The following TEX9 variants were observed in gnomAD, a reference collection of about 807,000 sequenced individuals.
TEX9 encodes the protein testis-expressed protein 9.
TEX9 carries 74 observed loss-of-function variants against 59.6 expected under a neutral mutation model. That is an observed-to-expected ratio of 1.24 (90% CI 1.03 to 1.51). TEX9 has a LOEUF of 1.51. Among genes scored for constraint, TEX9 ranks in the 40% most tolerant of loss-of-function variants. The pLI is 0.00. For synonymous variants in TEX9, 186 were observed against 152.2 expected (o/e 1.22, Z -1.64); for missense variants, 522 against 447.8 (o/e 1.17, Z -1.49).
At chr15:56,315,519 C>T (rs1193837093) in intron 1 of TEX9, among the ~76,000 whole-genome samples, 5 of 150,680 alleles carry the variant, frequency 3.3e-5, no homozygotes, top group South Asian at 4.2e-4. Flanking sequence ...CCGAGAGATC[C>T]GCTGTTAGTC....
chr15:56,281,102 T>C (rs1166710161), intron 1 of TEX9, among the ~76,000 whole-genome samples: 1 of 152,196 alleles, frequency 6.6e-6, no homozygotes, highest in Non-Finnish European at 1.5e-5. Flanking sequence ...TACTTGCATA[T>C]TGTCTTCAGC....
At chr15:56,414,235 T>G (rs1274906408) in intron 10 of TEX9, among the ~76,000 whole-genome samples, 1 of 126,900 alleles carries the variant, frequency 7.9e-6, no homozygotes, top group Non-Finnish European at 1.7e-5. Flanking sequence ...TAGCCAGCCA[T>G]TTTGTTTTAT....
intron 3 of TEX9, among the ~76,000 whole-genome samples, chr15:56,378,061 G>T (rs72742607): frequency 0.07 from 10,630 of 152,118 alleles, 463 homozygotes; most frequent in Non-Finnish European, 0.1. Flanking sequence ...GCATCCCTGG[G>T]GTAAATCCCA....
intron 1 of TEX9, among the ~76,000 whole-genome samples, chr15:56,287,393 T>C (rs2044979086): frequency 6.6e-6 from 1 of 152,140 alleles, no homozygotes; most frequent in African/African-American, 2.4e-5. Context: ...TTAAAAAAAT[T>C]ATTTATTTTA....
Position 56,365,606 on chromosome 15 carries a change from C to T in TEX9, c.55C>T (p.Pro19Ser), listed in dbSNP as rs199999452. The T allele has an allele frequency of 1.7e-5, 28 of 1,614,178 alleles. No individual in the cohort carries two copies. In the South Asian group the frequency reaches 2.6e-4, roughly 15 times the overall value. ...AAGCAGCGTTCCAGGGACTCCGTTC[C>T]CGCCACCCGTTCAGCAACCCTCTAC... Residue 19 changes from proline (P) to serine (S), a missense_variant, in exon 2 of 13, where the codon CCG (proline) becomes TCG (serine). Physicochemically the swap from Pro to Ser is moderately conservative, Grantham distance 74 (BLOSUM62 -1). Transcript: ENST00000352903.
intron 1 of TEX9, among the ~76,000 whole-genome samples, chr15:56,273,134 A>G (rs535196712): frequency 6.6e-6 from 1 of 151,504 alleles, no homozygotes; most frequent in Admixed American, 6.6e-5. Context: ...TTGCATTTTT[A>G]AGTAGGCATG....
intron 10 of TEX9, among the ~76,000 whole-genome samples, chr15:56,423,597 T>G (rs1159144344): frequency 6.6e-6 from 1 of 152,104 alleles, no homozygotes; most frequent in African/African-American, 2.4e-5. Context: ...GTCACAAAGT[T>G]GTGCAACCAT....
chr15:56,460,007 A>ATATATATATATATATATATATATAT, the TEX9 span, among the ~76,000 whole-genome samples: 3 of 27,636 alleles, frequency 1.1e-4, no homozygotes, highest in African/African-American at 4.0e-4. Context: ...AAAAAAAAAA[A>ATATATATATATATATATATATATAT]AAATACATAT....
At position 56,385,100 on chromosome 15, in the gene TEX9, A is replaced by C. The variant is rs142338350; in HGVS notation, c.263+1069A>C. ...CCATTTGTCTCAGCATTATTTGTTG[A>C]GAAGACTGTTCTTTCCCCATTGAAT... On this transcript the variant is annotated intron_variant, in intron 4 of 12. Coordinates refer to ENST00000352903, the Ensembl canonical transcript of TEX9. 2.9e-3 allele frequency among the ~76,000 whole-genome samples: 449 copies of C among 152,272 alleles called. 2 individuals are homozygous for C. The highest frequency in any genetic ancestry group is 9.8e-3 in the African/African-American group (408 of 41,568).
intron 10 of TEX9, among the ~76,000 whole-genome samples, chr15:56,420,119 C>G (rs1251800573): frequency 6.6e-6 from 1 of 151,680 alleles, no homozygotes; most frequent in Non-Finnish European, 1.5e-5. Flanking sequence ...GTGGGTCATT[C>G]CCCCCTCTCA....
intron 9 of TEX9, among the ~76,000 whole-genome samples, chr15:56,405,239 G>A (rs1236693469): frequency 6.6e-6 from 1 of 151,730 alleles, no homozygotes; most frequent in Non-Finnish European, 1.5e-5. Context: ...AAACCGGGAG[G>A]GAGCTTGCGG....
intron 1 of TEX9, among the ~76,000 whole-genome samples, chr15:56,346,579 T>C (rs759812957): frequency 1.5e-4 from 23 of 152,178 alleles, no homozygotes; most frequent in Non-Finnish European, 2.1e-4. Flanking sequence ...TCTAACATCT[T>C]AGTCCCAAGG....
At chr15:56,244,398 C>T (rs1458295166) in intron 1 of TEX9, 5 of 152,110 alleles carry the variant, frequency 3.3e-5, no homozygotes, top group African/African-American at 1.2e-4. Flanking sequence ...GTTGAGTGCT[C>T]CTCGGTCGGG....
At chr15:56,382,200 G>A (rs2047762885) in intron 3 of TEX9, among the ~76,000 whole-genome samples, 1 of 152,064 alleles carries the variant, frequency 6.6e-6, no homozygotes, top group African/African-American at 2.4e-5. Context: ...AAGCCCAAGG[G>A]CTTTTCAGTC....
chr15:56,389,348 A>C, exon 6 of TEX9: 1 of 1,611,424 alleles, frequency 6.2e-7, no homozygotes, highest in Non-Finnish European at 8.5e-7. Context: ...TCCTGTAAAC[A>C]AGGTTCAAAA....
chr15:56,330,333 C>G (rs1458191038), intron 1 of TEX9, among the ~76,000 whole-genome samples: 1 of 152,104 alleles, frequency 6.6e-6, no homozygotes. Flanking sequence ...AAGAAATCAT[C>G]TGAAGGTATA....
intron 1 of TEX9, among the ~76,000 whole-genome samples, chr15:56,348,687 A>C (rs1363063135): frequency 6.6e-6 from 1 of 152,074 alleles, no homozygotes; most frequent in Non-Finnish European, 1.5e-5. Context: ...TTTTGTTTTC[A>C]GAAATACGAC....
chr15:56,283,059 T>TGTGC (rs1283554170), intron 1 of TEX9, among the ~76,000 whole-genome samples: 31 of 151,330 alleles, frequency 2.0e-4, no homozygotes, highest in Middle Eastern at 3.4e-3. Context: ...GGTGTGTGTG[T>TGTGC]GTGTGTGTGT....
intron 10 of TEX9, among the ~76,000 whole-genome samples, chr15:56,418,276 T>A (rs1453169080): frequency 6.6e-6 from 1 of 151,902 alleles, no homozygotes; most frequent in Non-Finnish European, 1.5e-5. Flanking sequence ...ACAGTGACAT[T>A]GATCTGTGTG....
Sources: allele counts gnomAD v4.1 joint callset (sites outside exome capture counted in the v4.1 genomes callset), GRCh38; gene constraint gnomAD v4.1.1; transcripts MANE v1.5; gene names NCBI Gene and HGNC (gene_info 2026-07-23, HGNC 2026-07-21).